Variants in POLR2D observed in about 807,000 individuals in gnomAD.
The protein encoded by POLR2D is DNA-directed RNA polymerase II subunit RPB4.
POLR2D carries 10 observed loss-of-function variants against 17.6 expected under a neutral mutation model. That is an observed-to-expected ratio of 0.57 (90% confidence interval 0.35 to 0.96). The LOEUF is 0.96. Ranked by LOEUF, POLR2D falls within the 40% of genes least tolerant of loss-of-function variation. The probability of loss-of-function intolerance (pLI) is 0.02; values close to 1 mark genes in which losing one functional copy is unlikely to be tolerated. For missense variants in POLR2D, 126 were observed against 176.4 expected, an observed-to-expected ratio of 0.71 and a Z score of 1.62; for synonymous variants, 52 against 60.2, an observed-to-expected ratio of 0.86 and a Z score of 0.63.
chr2:127,849,403 C>T (rs887205647), intron 3 of POLR2D, among the ~76,000 whole-genome samples: 1 of 152,138 alleles, frequency 6.6e-6, no homozygotes, highest in Non-Finnish European at 1.5e-5. Context: ...CCAGTACCTT[C>T]CCTCCTTCCC....
chr2:127,855,238 CA>C (rs1427151642), intron 1 of POLR2D, among the ~76,000 whole-genome samples: 1 of 151,626 alleles, frequency 6.6e-6, no homozygotes, highest in East Asian at 1.9e-4. Flanking sequence ...ACTAAAAATA[CA>C]AAAATTAGTC....
rs1690122631 is a variant in POLR2D at position 127,844,685 on chromosome 2, C to T, written c.*3422G>A. The T allele has an allele frequency of 6.6e-6, 1 of 152,098 alleles. No individual in the cohort carries two copies. Among genetic ancestry groups the T allele is most frequent in the African/African-American group, 2.4e-5 (1 of 41,378 alleles). 9.4% of individuals were successfully genotyped at this position (152,098 alleles called of 1,614,324 possible). A position where few individuals can be genotyped will look rare whatever the true frequency, so the allele number is the denominator to read the frequency against. On this transcript the variant is annotated 3_prime_UTR_variant, in exon 4 of 4. Transcript: ENST00000272645. Reference sequence around the variant, plus strand: ...TATTTTTTTTCAAGATGGAGTCTCGCTCTTGTTGCCCAGGCTGGAGTGCAA... The same window carrying T: ...TATTTTTTTTCAAGATGGAGTCTCGTTCTTGTTGCCCAGGCTGGAGTGCAA...
chr2:127,844,122 A>AAAAAAAAAAAAT lies in POLR2D; in HGVS notation c.*3984_*3985insATTTTTTTTTTT, dbSNP rs1297337215. 2 of 146,602 alleles carry AAAAAAAAAAAAT rather than the reference A, an allele frequency of 1.4e-5. No homozygotes were observed. The highest frequency in any genetic ancestry group is 3.0e-5 in the Non-Finnish European group (2 of 66,056). The allele number at this position is 146,602 out of a possible 1,614,324, so 9.1% of individuals were successfully genotyped here. On this transcript the variant is annotated 3_prime_UTR_variant, in exon 4 of 4. Transcript: ENST00000272645. ...CTGCTGTATCCAAAAAAAAAAAAAA[A>AAAAAAAAAAAAT]AAAAGCCTGGTCCTTCCATCCCTTC...
chr2:127,855,740 ACTT>A (rs760511105), intron 1 of POLR2D, among the ~76,000 whole-genome samples: 294 of 152,066 alleles, frequency 1.9e-3, no homozygotes, highest in Non-Finnish European at 2.5e-3. Context: ...GGGATCCAAG[ACTT>A]CTCCCCATGG....
chr2:127,858,002 G>A (rs973553259), intron 1 of POLR2D, 26 bp downstream of exon 1: 2 of 1,576,434 alleles, frequency 1.3e-6, no homozygotes, highest in Non-Finnish European at 8.6e-7. Flanking sequence ...AGTGGCGCGG[G>A]GGAGTCTGGC....
At position 127,853,042 on chromosome 2, in the gene POLR2D, T is replaced by C; in HGVS notation, c.137A>G (p.Gln46Arg). ...EVHMLLEHRKQQNESAEDEQE... is the reference protein window; with the variant it reads ...EVHMLLEHRKRQNESAEDEQE... The stretch of plus-strand genomic sequence containing the variant: ...TTCGTCCTCTGCACTCTCATTCTGC[T>C]GCTTTCGATGTTCCAGAAGCATATG... Residue 46 changes from glutamine to arginine, a missense_variant, in exon 2 of 4, where the codon CAG (glutamine) becomes CGG (arginine). Coordinates refer to ENST00000272645, the MANE Select transcript of POLR2D (RefSeq NM_004805.4). 6.2e-7 allele frequency: 1 copy of C among 1,613,904 alleles called. No individual in the cohort carries two copies. The highest frequency in any genetic ancestry group is 8.5e-7 in the Non-Finnish European group (1 of 1,179,730).
rs893823130 is a variant in POLR2D at position 127,857,917 on chromosome 2, G to T, written c.73+111C>A. On this transcript the variant is annotated intron_variant, in intron 1 of 3. Coordinates refer to ENST00000272645, the MANE Select transcript of POLR2D (RefSeq NM_004805.4). ...CCTCCCCAGCCCCACGCCGCGCTGG[G>T]GCTTGCCCAAGCCGCCGCTGAGGCA... 4.1e-5 allele frequency: 60 copies of T among 1,451,472 alleles called. 1 individual carries two copies. The highest frequency in any genetic ancestry group is 1.9e-4 in the Middle Eastern group (1 of 5,130). The allele number at this position is 1,451,472 out of a possible 1,614,324, so 89.9% of individuals were successfully genotyped here.
chr2:127,856,432 A>G (rs1690331963), intron 1 of POLR2D, among the ~76,000 whole-genome samples: 1 of 151,648 alleles, frequency 6.6e-6, no homozygotes, highest in Non-Finnish European at 1.5e-5. Flanking sequence ...CCTACTAAAA[A>G]CACAAAAATT....
chr2:127,851,518 T>C (rs991247551), intron 2 of POLR2D, among the ~76,000 whole-genome samples: 3 of 152,158 alleles, frequency 2.0e-5, no homozygotes, highest in Non-Finnish European at 4.4e-5. Flanking sequence ...GGAGGATCAC[T>C]TGAGTCCAGG....
chr2:127,853,445 A>C (rs1690280771), intron 1 of POLR2D, among the ~76,000 whole-genome samples: 1 of 151,736 alleles, frequency 6.6e-6, no homozygotes, highest in South Asian at 2.1e-4. Context: ...TCAAGGTTTA[A>C]CTCCCACTTA....
At position 127,851,268 on chromosome 2, in the gene POLR2D, A is replaced by C. The variant is rs535352477; in HGVS notation, c.255-583T>G. On this transcript the variant is annotated intron_variant, in intron 2 of 3. Coordinates refer to ENST00000272645, the MANE Select transcript of POLR2D (RefSeq NM_004805.4). The stretch of plus-strand genomic sequence containing the variant: ...AACCAAAAAAACAAAAAACTAAAAA[A>C]ATTAGCCGGGTGTGGTGGTGTGTGT... Among the ~76,000 whole-genome samples the C allele has an allele frequency of 1.9e-3, 296 of 152,198 alleles. 1 individual carries two copies. The highest frequency in any genetic ancestry group is 6.7e-3 in the African/African-American group (278 of 41,528).
At chr2:127,848,692 A>G (rs1690194070) in intron 3 of POLR2D, among the ~76,000 whole-genome samples, 1 of 151,006 alleles carries the variant, frequency 6.6e-6, no homozygotes, top group Non-Finnish European at 1.5e-5. Flanking sequence ...AATTTTTTGT[A>G]TTTTTAGTAG....
intron 1 of POLR2D, 40 bp from the exon 2 acceptor site, chr2:127,853,145 T>C (rs35614229): frequency 0.3 from 457,400 of 1,505,696 alleles, 73,509 homozygotes; most frequent in South Asian, 0.5. Context: ...AAAATACTCC[T>C]TCAAAAGTTT....
rs1023923941 is a variant in POLR2D, at chr2:127,858,122, A to G, written c.-22T>C. ...CCATCGCCGCGCCGCGCCGCGCGCC[A>G]CCACCAGCGCCGCCGGAAGCAGAAG... On this transcript the variant is annotated 5_prime_UTR_variant, in exon 1 of 4. Transcript: ENST00000272645. The G allele has an allele frequency of 2.1e-6, 3 of 1,446,132 alleles. No homozygotes were observed. In the African/African-American group the frequency reaches 4.7e-5, roughly 22 times the overall value. The allele number at this position is 1,446,132 out of a possible 1,614,324, so 89.6% of individuals were successfully genotyped here.
chr2:127,845,382 T>TTTTTTTC lies in POLR2D; in HGVS notation c.*2724_*2725insGAAAAAA, dbSNP rs1491044087. 1.6e-5 allele frequency: 2 copies of TTTTTTTC among 126,782 alleles called. No individual in the cohort carries two copies. Among genetic ancestry groups the TTTTTTTC allele is most frequent in the Non-Finnish European group, 3.6e-5 (2 of 55,482 alleles). 7.9% of individuals were successfully genotyped at this position (126,782 alleles called of 1,614,324 possible). A position where few individuals can be genotyped will look rare whatever the true frequency, so the allele number is the denominator to read the frequency against. On this transcript the variant is annotated 3_prime_UTR_variant, in exon 4 of 4. Transcript: ENST00000272645. The stretch of plus-strand genomic sequence containing the variant: ...TGGGTAAGCAATTTCACTTTTTTTT[T>TTTTTTTC]TTTTTTTTTTTTGAGACAGTTTCGC...
intron 3 of POLR2D, 143 bp downstream of exon 3, chr2:127,850,440 CAAAAAAA>C (rs60975701): frequency 1.1e-3 from 123 of 108,422 alleles, no homozygotes; most frequent in South Asian, 2.4e-3. Context: ...AACTCCGTCT[CAAAAAAA>C]AAAAAAAAAA....
intron 1 of POLR2D, among the ~76,000 whole-genome samples, chr2:127,856,337 A>ATCTCAGC (rs1355934373): frequency 3.7e-5 from 5 of 135,760 alleles, no homozygotes; most frequent in African/African-American, 1.3e-4. Flanking sequence ...CACACCTGTA[A>ATCTCAGC]TCTCAGCACT....
intron 1 of POLR2D, among the ~76,000 whole-genome samples, chr2:127,855,648 G>A (rs1690315338): frequency 6.6e-6 from 1 of 152,180 alleles, no homozygotes. Flanking sequence ...CAGAGCTTTT[G>A]GGAGGCATTC....
Position 127,845,343 on chromosome 2 carries a change from G to A in POLR2D, c.*2764C>T, listed in dbSNP as rs1690135203. 7.3e-6 allele frequency: 1 copy of A among 136,788 alleles called. No individual in the cohort carries two copies. Among genetic ancestry groups the A allele is most frequent in the Non-Finnish European group, 1.6e-5 (1 of 64,086 alleles). The allele number at this position is 136,788 out of a possible 1,614,324, so 8.5% of individuals were successfully genotyped here. A position where few individuals can be genotyped will look rare whatever the true frequency, so the allele number is the denominator to read the frequency against. ...ATTCATCAAGCATTAAAAAACGAAA[G>A]TTAACTGTAGATTTGGGTAAGCAAT... On this transcript the variant is annotated 3_prime_UTR_variant, in exon 4 of 4. Transcript: ENST00000272645.
Sources: gnomAD v4.1 joint callset for allele counts (sites outside exome capture counted in the v4.1 genomes callset) on GRCh38, gnomAD v4.1.1 for gene constraint, MANE v1.5 for transcripts, NCBI Gene and HGNC (gene_info 2026-07-23, HGNC 2026-07-21) for gene names.